The following ZNF674 variants were observed in gnomAD, a reference collection of about 807,000 sequenced individuals.
ZNF674 encodes zinc finger protein 674, also known as zinc finger family member 674.
Under a neutral mutation model 7.0 loss-of-function variants are expected in ZNF674, and 2 were observed. The ratio of observed to expected loss-of-function variants is 0.29; its 90% confidence interval spans 0.12 to 0.90. ZNF674 has a LOEUF of 0.90. Among genes scored for constraint, ZNF674 ranks in the 40% least tolerant of loss-of-function variants. The pLI is 0.57. For synonymous variants in ZNF674, 103 were observed against 145.2 expected, an observed-to-expected ratio of 0.71 and a Z score of 2.09; for missense variants, 297 against 415.5, an observed-to-expected ratio of 0.71 and a Z score of 2.48.
chrX:46,528,160 C>A, intron 5 of ZNF674, 190 bp downstream of exon 5: 1 of 504,449 alleles, frequency 2.0e-6, no homozygotes. Flanking sequence ...AAGCAAAGAA[C>A]ACAGAGCCTG....
intron 5 of ZNF674, chrX:46,517,940 TGCCTG>T (rs1941798962): frequency 9.0e-6 from 1 of 110,778 alleles, no homozygotes; most frequent in Non-Finnish European, 1.9e-5. Flanking sequence ...ACACATCATA[TGCCTG>T]TATCAAAATA....
intron 3 of ZNF674, among the ~76,000 whole-genome samples, chrX:46,530,344 G>A (rs1470329394): frequency 1.8e-5 from 2 of 111,048 alleles, no homozygotes; most frequent in African/African-American, 6.5e-5. Context: ...TGATAGCTCC[G>A]GTGCTGGGGA....
rs148034927 is a variant in ZNF674 at position 46,520,077 on chromosome X, G to A, written c.238+8273C>T. 6.2e-3 allele frequency among the ~76,000 whole-genome samples: 700 copies of A among 112,084 alleles called. 8 individuals are homozygous for A. Among genetic ancestry groups the A allele is most frequent in the African/African-American group, 0.022 (670 of 30,921 alleles). On this transcript the variant is annotated intron_variant, in intron 5 of 5. Transcript: ENST00000683375. ...ATTAGTAGTTACCAGGCTATAAGAG[G>A]AGATGGGCTGGGAGAAAATCGGTAT...
intron 5 of ZNF674, among the ~76,000 whole-genome samples, chrX:46,515,753 C>T (rs931345822): frequency 3.6e-5 from 4 of 111,279 alleles, no homozygotes; most frequent in Non-Finnish European, 7.5e-5. Context: ...CGACTACAGG[C>T]ATGTGCCACC....
intron 3 of ZNF674, among the ~76,000 whole-genome samples, chrX:46,534,793 T>G (rs1179053892): frequency 1.8e-5 from 2 of 110,120 alleles, no homozygotes; most frequent in Non-Finnish European, 3.8e-5. Flanking sequence ...CAGGCTGGAG[T>G]GCAGTGTTGT....
intron 3 of ZNF674, among the ~76,000 whole-genome samples, chrX:46,537,082 C>T (rs1210780977): frequency 1.8e-5 from 2 of 110,989 alleles, no homozygotes; most frequent in African/African-American, 6.5e-5. Context: ...ACCAGCCTGG[C>T]CAACATGGCA....
At chrX:46,506,247 C>G (rs2146591246) in intron 5 of ZNF674, among the ~76,000 whole-genome samples, 1 of 110,966 alleles carries the variant, frequency 9.0e-6, no homozygotes, top group East Asian at 2.8e-4. Flanking sequence ...AGTCTGGATG[C>G]CCGAACACTA....
intron 1 of ZNF674, 144 bp downstream of exon 1, chrX:46,545,226 AC>A (rs1187404911): frequency 1.9e-5 from 2 of 108,022 alleles, no homozygotes; most frequent in Non-Finnish European, 3.9e-5. Context: ...CGCCCCCAAC[AC>A]TCACGCCCAC....
At chrX:46,541,310 G>A (rs1297745183) in intron 3 of ZNF674, among the ~76,000 whole-genome samples, 3 of 101,781 alleles carry the variant, frequency 2.9e-5, no homozygotes, top group Non-Finnish European at 3.9e-5. Flanking sequence ...GCAGTGAGCC[G>A]ATATCGCACC....
intron 5 of ZNF674, among the ~76,000 whole-genome samples, chrX:46,506,415 GAAAA>G (rs34632622): frequency 7.7e-5 from 7 of 90,429 alleles, no homozygotes; most frequent in African/African-American, 2.9e-4. Context: ...CTTTGCATGG[GAAAA>G]AAAAAAAAAA....
At chrX:46,514,718 T>G (rs1941729559) in intron 5 of ZNF674, among the ~76,000 whole-genome samples, 1 of 112,289 alleles carries the variant, frequency 8.9e-6, no homozygotes, top group African/African-American at 3.2e-5. Flanking sequence ...AAACTTTTTT[T>G]GCCCATTGTA....
chrX:46,541,738 A>G (rs1679157312), intron 3 of ZNF674, among the ~76,000 whole-genome samples: 1 of 112,020 alleles, frequency 8.9e-6, no homozygotes, highest in Admixed American at 9.6e-5. Context: ...ATTATACACA[A>G]ACTTATTCTC....
intron 5 of ZNF674, among the ~76,000 whole-genome samples, chrX:46,514,584 A>C (rs932848697): frequency 1.8e-5 from 2 of 112,323 alleles, no homozygotes; most frequent in African/African-American, 6.5e-5. Flanking sequence ...AATTGCAGTC[A>C]GGGGACTCCA....
intron 3 of ZNF674, chrX:46,529,157 G>A (rs1164823318): frequency 4.3e-6 from 2 of 460,572 alleles, no homozygotes; most frequent in Admixed American, 4.1e-5. Context: ...TCTGGCTCCC[G>A]CATCCACGCT....
intron 3 of ZNF674, among the ~76,000 whole-genome samples, chrX:46,540,793 G>C (rs1308292524): frequency 8.9e-6 from 1 of 111,753 alleles, no homozygotes; most frequent in Non-Finnish European, 1.9e-5. Flanking sequence ...GCCAGGTGCA[G>C]TGGCTCATGC....
intron 5 of ZNF674, chrX:46,523,283 A>G (rs1482024713): frequency 3.5e-5 from 4 of 115,184 alleles, no homozygotes; most frequent in African/African-American, 1.3e-4. Flanking sequence ...GATCCTACAA[A>G]TATTAAAAAA....
chrX:46,524,643 C>T (rs775782345), intron 5 of ZNF674, among the ~76,000 whole-genome samples: 2 of 105,939 alleles, frequency 1.9e-5, no homozygotes, highest in African/African-American at 3.5e-5. Flanking sequence ...GAGCTGAGAT[C>T]GTGCCACTGC....
chrX:46,522,883 G>A (rs1941939560), intron 5 of ZNF674: 1 of 112,859 alleles, frequency 8.9e-6, no homozygotes. Flanking sequence ...TATATTGCCT[G>A]TGTATACAAA....
intron 5 of ZNF674, among the ~76,000 whole-genome samples, chrX:46,525,963 A>G (rs767960635): frequency 8.9e-6 from 1 of 112,202 alleles, no homozygotes; most frequent in East Asian, 2.8e-4. Flanking sequence ...CAAAACTACA[A>G]AACATTGAGA....
Sources: gnomAD v4.1 joint callset for allele counts (sites outside exome capture counted in the v4.1 genomes callset) on GRCh38, gnomAD v4.1.1 for gene constraint, MANE v1.5 for transcripts, NCBI Gene and HGNC (gene_info 2026-07-23, HGNC 2026-07-21) for gene names.